PIWIL4: variants seen among roughly 807,000 people sequenced by gnomAD.
PIWIL4 encodes piwi like RNA-mediated gene silencing 4.
A neutral mutation model predicts 100.9 loss-of-function variants in PIWIL4; 50 were observed. The observed-to-expected ratio is 0.50, with a 90% confidence interval of 0.39 to 0.63. The LOEUF is 0.63. PIWIL4 is among the 20% of genes least tolerant of loss of function. The probability of loss-of-function intolerance (pLI) is 0.00; values close to 1 mark genes in which losing one functional copy is unlikely to be tolerated. For synonymous variants in PIWIL4, 342 were observed against 367.5 expected, an observed-to-expected ratio of 0.93 and a Z score of 0.79; for missense variants, 887 against 1,043.3, an observed-to-expected ratio of 0.85 and a Z score of 2.06.
chr11:94,603,710 C>T (rs898755200), intron 12 of PIWIL4, among the ~76,000 whole-genome samples: 6 of 152,138 alleles, frequency 3.9e-5, no homozygotes, highest in Admixed American at 3.3e-4. Context: ...CCATTTTGAA[C>T]AACAGAATTA....
chr11:94,584,519 A>G (rs1948371511), intron 5 of PIWIL4, among the ~76,000 whole-genome samples: 1 of 152,222 alleles, frequency 6.6e-6, no homozygotes, highest in African/African-American at 2.4e-5. Context: ...TCAGTGAGAA[A>G]GTTCTTTCAC....
chr11:94,577,424 G>A lies in PIWIL4; in HGVS notation c.445G>A (p.Glu149Lys). 6.2e-7 allele frequency: 1 copy of A among 1,613,988 alleles called. No individual in the cohort carries two copies. Among genetic ancestry groups the A allele is most frequent in the Non-Finnish European group, 8.5e-7 (1 of 1,179,994 alleles). Residue 149 changes from glutamate to lysine, a missense_variant, in exon 4 of 20, where the codon GAA becomes AAA. Around this residue, in one of 2 missense-constraint regions of PIWIL4, gnomAD observed 741 missense variants for 930.0 expected, o/e 0.80. Transcript: ENST00000299001. ...AATTGCTTTACTTTATAGTCATAGT[G>A]AACTTTCCAACAAAGCAAAAGCATT... ...LRIALLYSHS[E>K]LSNKAKAFDG... is the part of the protein sequence containing the mutation.
intron 4 of PIWIL4, among the ~76,000 whole-genome samples, chr11:94,578,539 A>G (rs1168518577): frequency 6.6e-6 from 1 of 152,224 alleles, no homozygotes; most frequent in Non-Finnish European, 1.5e-5. Flanking sequence ...ATCCCTTCTT[A>G]AGATGAGTTA....
At chr11:94,573,272 C>T (rs1010239680) in intron 2 of PIWIL4, among the ~76,000 whole-genome samples, 1 of 152,126 alleles carries the variant, frequency 6.6e-6, no homozygotes, top group Non-Finnish European at 1.5e-5. Flanking sequence ...TAATTGAATA[C>T]CCTTTATTTC....
intron 13 of PIWIL4, 149 bp from the exon 14 acceptor site, chr11:94,607,290 A>G: frequency 1.5e-6 from 1 of 670,682 alleles, no homozygotes; most frequent in Non-Finnish European, 2.5e-6. Flanking sequence ...ATGGCCATTT[A>G]AGAGAACTGT....
intron 15 of PIWIL4, among the ~76,000 whole-genome samples, chr11:94,613,929 A>T (rs1057017159): frequency 6.6e-6 from 1 of 151,548 alleles, no homozygotes; most frequent in Non-Finnish European, 1.5e-5. Context: ...TGTCCAGCTA[A>T]TTTTTTTTAT....
In PIWIL4 at chr11:94,620,251, AT is replaced by A. The variant is rs1591809370; in HGVS notation, c.2442+110del. The A allele has an allele frequency of 5.8e-6, 7 of 1,217,172 alleles. No homozygotes were observed. The East Asian group carries it at 1.7e-4, about 30-fold the overall frequency. The allele number at this position is 1,217,172 out of a possible 1,614,324, so 75.4% of individuals were successfully genotyped here. A position where few individuals can be genotyped will look rare whatever the true frequency, so the allele number is the denominator to read the frequency against. Reference sequence around the variant, plus strand: ...CCCTAGATATAGCACAATACCTGATATTTCCTAAAGAAGGAATGAATGAATG... The same window carrying A: ...CCCTAGATATAGCACAATACCTGATATTCCTAAAGAAGGAATGAATGAATG... On this transcript the variant is annotated intron_variant, in intron 19 of 19. Coordinates refer to ENST00000299001, the MANE Select transcript of PIWIL4 (RefSeq NM_152431.3).
intron 12 of PIWIL4, 65 bp from the exon 13 acceptor site, chr11:94,603,919 T>C: frequency 1.1e-6 from 1 of 943,814 alleles, no homozygotes; most frequent in East Asian, 2.5e-5. Flanking sequence ...TTATTTCTAA[T>C]GCCATATAAG....
At chr11:94,589,773 A>T (rs955290379) in intron 8 of PIWIL4, among the ~76,000 whole-genome samples, 2 of 152,036 alleles carry the variant, frequency 1.3e-5, no homozygotes, top group Non-Finnish European at 2.9e-5. Context: ...GGGAGCCCCA[A>T]AGCATTCCTC....
chr11:94,569,851 G>A (rs556789280), intron 2 of PIWIL4, among the ~76,000 whole-genome samples: 4 of 152,166 alleles, frequency 2.6e-5, no homozygotes, highest in Admixed American at 2.6e-4. Flanking sequence ...TTGCTTAATG[G>A]CTGCAATGTA....
intron 17 of PIWIL4, among the ~76,000 whole-genome samples, chr11:94,619,177 G>C (rs1054839117): frequency 6.6e-6 from 1 of 152,216 alleles, no homozygotes; most frequent in Non-Finnish European, 1.5e-5. Context: ...CCCAGAGGAT[G>C]TAAGGATGCC....
chr11:94,616,634 A>G lies in PIWIL4; in HGVS notation c.2014+71A>G, dbSNP rs143091763. 4.8e-6 allele frequency: 6 copies of G among 1,260,540 alleles called. No homozygotes were observed. The African/African-American group carries it at 6.0e-5, about 13-fold the overall frequency. The allele number at this position is 1,260,540 out of a possible 1,614,324, so 78.1% of individuals were successfully genotyped here. A position where few individuals can be genotyped will look rare whatever the true frequency, so the allele number is the denominator to read the frequency against. On this transcript the variant is annotated intron_variant, in intron 16 of 19. Transcript: ENST00000299001. Reference sequence around the variant, plus strand: ...TCAGACCTCAAATCCACATGCTTATAGAAGACCACATAGGTCAGAGCAAAC... The same window carrying G: ...TCAGACCTCAAATCCACATGCTTATGGAAGACCACATAGGTCAGAGCAAAC...
chr11:94,595,461 G>C (rs746468076), intron 10 of PIWIL4, 35 bp downstream of exon 10: 1 of 1,531,152 alleles, frequency 6.5e-7, no homozygotes, highest in Non-Finnish European at 9.0e-7. Flanking sequence ...TCCTGGGGCT[G>C]AGTTTTTAGT....
At chr11:94,582,817 C>G (rs546614577) in intron 4 of PIWIL4, among the ~76,000 whole-genome samples, 1 of 152,102 alleles carries the variant, frequency 6.6e-6, no homozygotes, top group South Asian at 2.1e-4. Flanking sequence ...CCACTTATTC[C>G]TCTCTCTCCC....
At chr11:94,570,645 CT>C (rs1269041302) in intron 2 of PIWIL4, among the ~76,000 whole-genome samples, 1 of 152,130 alleles carries the variant, frequency 6.6e-6, no homozygotes, top group Non-Finnish European at 1.5e-5. Context: ...AATCCCAGCA[CT>C]TTGAGAGGCC....
chr11:94,598,073 T>A (rs769203191), intron 11 of PIWIL4, among the ~76,000 whole-genome samples, 158 bp downstream of exon 11: 2 of 152,240 alleles, frequency 1.3e-5, no homozygotes, highest in African/African-American at 2.4e-5. Flanking sequence ...GGTTTCCTTT[T>A]CAATCTGAAT....
Position 94,608,687 on chromosome 11 carries a change from G to A in PIWIL4, c.1943+1G>A, listed in dbSNP as rs1442621332. On this transcript the variant is annotated splice_donor_variant, in intron 15 of 19. Coordinates refer to ENST00000299001, the MANE Select transcript of PIWIL4 (RefSeq NM_152431.3). LOFTEE classifies it high-confidence loss of function. ...CCAGTGTTAACCCCAGAATCACCAG[G>A]TACTGCTAAAACTACCTGAACACAT... 1.9e-6 allele frequency: 3 copies of A among 1,612,820 alleles called. No homozygotes were observed. The East Asian group carries it at 6.7e-5, about 36-fold the overall frequency.
At chr11:94,619,721 G>A in intron 17 of PIWIL4, 39 bp from the exon 18 acceptor site, 1 of 1,587,718 alleles carries the variant, frequency 6.3e-7, no homozygotes, top group Non-Finnish European at 8.6e-7. Flanking sequence ...ATATAGATTG[G>A]ATTGAGTTCT....
At chr11:94,596,849 G>A (rs1335328729) in intron 10 of PIWIL4, among the ~76,000 whole-genome samples, 1 of 152,186 alleles carries the variant, frequency 6.6e-6, no homozygotes, top group Admixed American at 6.5e-5. Context: ...TGTGACCAGA[G>A]AAGACATAAT....
Sources: allele counts gnomAD v4.1 joint callset (sites outside exome capture counted in the v4.1 genomes callset), GRCh38; gene constraint gnomAD v4.1.1; regional missense constraint gnomAD v4.1.1; transcripts MANE v1.5; gene names NCBI Gene and HGNC (gene_info 2026-07-23, HGNC 2026-07-21).